Variants in TMEM232 observed in about 807,000 individuals in gnomAD.
The protein encoded by TMEM232 is transmembrane protein 232.
Under a neutral mutation model 78.8 loss-of-function variants are expected in TMEM232, and 80 were observed. The ratio of observed to expected loss-of-function variants is 1.01; its 90% confidence interval spans 0.85 to 1.22. The LOEUF is 1.22. Among genes scored for constraint, TMEM232 ranks in the 50% most tolerant of loss-of-function variants. The probability of loss-of-function intolerance (pLI) is 0.00; values close to 1 mark genes in which losing one functional copy is unlikely to be tolerated. For missense variants in TMEM232, 881 were observed against 742.2 expected, an observed-to-expected ratio of 1.19 and a Z score of -2.17; for synonymous variants, 297 against 254.3, an observed-to-expected ratio of 1.17 and a Z score of -1.60.
chr5:110,736,267 C>G (rs189795645), intron 1 of TMEM232, among the ~76,000 whole-genome samples: 1 of 152,202 alleles, frequency 6.6e-6, no homozygotes, highest in African/African-American at 2.4e-5. Flanking sequence ...GCTCTAGAGA[C>G]TACTGATTAA....
chr5:110,454,499 GA>G (rs112620554), intron 12 of TMEM232, among the ~76,000 whole-genome samples: 6 of 144,964 alleles, frequency 4.1e-5, no homozygotes, highest in Admixed American at 6.9e-5. Flanking sequence ...TGTCTCTAAG[GA>G]AAAAAAAAAG....
At chr5:110,559,302 A>G (rs1187953648) in intron 11 of TMEM232, among the ~76,000 whole-genome samples, 1 of 152,174 alleles carries the variant, frequency 6.6e-6, no homozygotes, top group Non-Finnish European at 1.5e-5. Context: ...CTTAAATAGT[A>G]TACAAGTAAA....
chr5:110,466,419 T>C (rs1334348793), intron 12 of TMEM232, among the ~76,000 whole-genome samples: 1 of 152,122 alleles, frequency 6.6e-6, no homozygotes, highest in Non-Finnish European at 1.5e-5. Flanking sequence ...CAGAAGTTGG[T>C]TTCTCCAGTA....
At chr5:110,652,642 T>C (rs1788498327) in intron 2 of TMEM232, among the ~76,000 whole-genome samples, 1 of 152,196 alleles carries the variant, frequency 6.6e-6, no homozygotes, top group South Asian at 2.1e-4. Flanking sequence ...AATAAATATT[T>C]AGTGAGAGAT....
At chr5:110,421,245 A>G (rs889817896) in intron 13 of TMEM232, among the ~76,000 whole-genome samples, 2 of 151,984 alleles carry the variant, frequency 1.3e-5, no homozygotes, top group Admixed American at 6.6e-5. Flanking sequence ...AAAAAGCTCT[A>G]AAGAATTTAT....
chr5:110,391,326 T>TGTGTGAGAGA lies in TMEM232; in HGVS notation n.391-687_391-686insTCTCTCACAC, dbSNP rs549361387. On this transcript the variant is annotated intron_variant and non_coding_transcript_variant, in intron 3 of 8. Transcript: ENST00000507188. ...GTGTGTGTGTGTGTGTGTGTGTGTG[T>TGTGTGAGAGA]GAGAGAGAGAGAGAGAGAGAGAAAC... is the stretch of plus-strand genomic sequence containing the variant. 1.1e-3 allele frequency among the ~76,000 whole-genome samples: 148 copies of TGTGTGAGAGA among 139,906 alleles called. 2 individuals are homozygous for TGTGTGAGAGA. In the East Asian group the frequency reaches 0.02, roughly 19 times the overall value. 91.8% of individuals were successfully genotyped at this position (139,906 alleles called of 152,430 possible). A position where few individuals can be genotyped will look rare whatever the true frequency, so the allele number is the denominator to read the frequency against.
At chr5:110,559,082 C>T (rs1042512376) in intron 11 of TMEM232, among the ~76,000 whole-genome samples, 12 of 152,158 alleles carry the variant, frequency 7.9e-5, no homozygotes, top group African/African-American at 2.9e-4. Context: ...TTCCTAGCTA[C>T]ATCTAGTCAG....
intron 1 of TMEM232, among the ~76,000 whole-genome samples, chr5:110,707,812 G>A (rs1796085050): frequency 6.6e-6 from 1 of 152,144 alleles, no homozygotes; most frequent in African/African-American, 2.4e-5. Context: ...CTTACATCTT[G>A]GATACCAGCT....
rs577430684 is a variant in TMEM232 at position 110,559,401 on chromosome 5, A to G, written c.1455+9046T>C. Among the ~76,000 whole-genome samples, 4 of 152,134 alleles carry G rather than the reference A, an allele frequency of 2.6e-5. No individual in the cohort carries two copies. In the South Asian group the frequency reaches 8.3e-4, roughly 32 times the overall value. On this transcript the variant is annotated intron_variant, in intron 11 of 13. Transcript: ENST00000455884. ...GAAATTAAATTATTAACAGCATGAA[A>G]AGCAACTAAAAAGTAGAAGAAAATA...
At chr5:110,464,529 C>A (rs1222629915) in intron 12 of TMEM232, among the ~76,000 whole-genome samples, 1 of 152,126 alleles carries the variant, frequency 6.6e-6, no homozygotes. Context: ...TGTAAATGGA[C>A]ACCTAGGTGT....
chr5:110,668,347 T>C (rs542561906), intron 1 of TMEM232, among the ~76,000 whole-genome samples: 1 of 152,262 alleles, frequency 6.6e-6, no homozygotes, highest in South Asian at 2.1e-4. Context: ...ATGCAGCTAA[T>C]CTGAGGTTGC....
At chr5:110,597,271 A>T (rs1175568044) in intron 10 of TMEM232, among the ~76,000 whole-genome samples, 1 of 152,220 alleles carries the variant, frequency 6.6e-6, no homozygotes, top group Non-Finnish European at 1.5e-5. Context: ...CGATTGCTTC[A>T]AAGCGAATAA....
At chr5:110,613,142 C>T (rs569413673) in intron 8 of TMEM232, among the ~76,000 whole-genome samples, 1 of 152,234 alleles carries the variant, frequency 6.6e-6, no homozygotes, top group Admixed American at 6.5e-5. Context: ...CCCTGTCCCC[C>T]AGCGAGGCTG....
At chr5:110,393,958 CAAAA>C (rs201803686) in intron 3 of TMEM232, among the ~76,000 whole-genome samples, 1 of 60,776 alleles carries the variant, frequency 1.6e-5, no homozygotes, top group Non-Finnish European at 3.8e-5. Flanking sequence ...AACTTCATCT[CAAAA>C]AAAAAAAAAA....
In TMEM232 at chr5:110,528,733, C is replaced by A; in HGVS notation, c.1558G>T (p.Ala520Ser). 6.5e-7 allele frequency: 1 copy of A among 1,534,166 alleles called. No homozygotes were observed. Among genetic ancestry groups the A allele is most frequent in the Non-Finnish European group, 8.7e-7 (1 of 1,146,002 alleles). The change falls in exon 12 of 14, where the codon GCC (alanine) becomes TCC (serine). Residue 520 changes from alanine to serine, a missense_variant. Coordinates refer to ENST00000455884, the MANE Select transcript of TMEM232 (RefSeq NM_001039763.4). ...AAGAATAGTTTGGAAAGAGTGTTGG[C>A]AATTCTCCACCCAATATATTTGGAG... ...VFSKYIGWRI[A>S]NTLSKLFFPP...
chr5:110,440,855 A>T (rs949012948), intron 12 of TMEM232, among the ~76,000 whole-genome samples: 1 of 152,098 alleles, frequency 6.6e-6, no homozygotes, highest in Admixed American at 6.6e-5. Context: ...AATTTTCTCA[A>T]CAGACAAATG....
intron 10 of TMEM232, 120 bp from the exon 11 acceptor site, chr5:110,568,745 A>T: frequency 9.7e-7 from 1 of 1,031,986 alleles, no homozygotes; most frequent in African/African-American, 1.7e-5. Flanking sequence ...AAAGTCTGAA[A>T]TTCTAAGCTG....
At chr5:110,668,204 G>A (rs985079005) in intron 1 of TMEM232, among the ~76,000 whole-genome samples, 27 of 152,130 alleles carry the variant, frequency 1.8e-4, no homozygotes, top group Admixed American at 7.2e-4. Context: ...AAAACAAGAT[G>A]GTTGTATTCT....
At chr5:110,533,030 C>T (rs1771780879) in intron 11 of TMEM232, among the ~76,000 whole-genome samples, 1 of 152,146 alleles carries the variant, frequency 6.6e-6, no homozygotes, top group East Asian at 1.9e-4. Context: ...GTGCCCAACC[C>T]GTACACTCTA....
Sources: gnomAD v4.1 joint callset for allele counts (sites outside exome capture counted in the v4.1 genomes callset) on GRCh38, gnomAD v4.1.1 for gene constraint, MANE v1.5 for transcripts, NCBI Gene and HGNC (gene_info 2026-07-23, HGNC 2026-07-21) for gene names.